ISLR2: variants seen among roughly 807,000 people sequenced by gnomAD.
ISLR2 encodes the protein immunoglobulin superfamily containing leucine-rich repeat protein 2.
A neutral mutation model predicts 25.5 loss-of-function variants in ISLR2; 16 were observed. That is an observed-to-expected ratio of 0.63 (90% CI 0.43 to 0.95). The LOEUF (loss-of-function observed/expected upper bound fraction) is 0.95, where lower values mean the gene tolerates loss of function less well. Ranked by LOEUF, ISLR2 falls within the 40% of genes least tolerant of loss-of-function variation. The pLI is 0.00. For missense variants in ISLR2, 883 were observed against 1,030.7 expected, an observed-to-expected ratio of 0.86 and a Z score of 1.96; for synonymous variants, 508 against 486.6, an observed-to-expected ratio of 1.04 and a Z score of -0.58.
chr15:74,124,435 C>A (rs2141939600), upstream of ISLR2, among the ~76,000 whole-genome samples: 1 of 152,130 alleles, frequency 6.6e-6, no homozygotes, highest in South Asian at 2.1e-4. Context: ...AAAAGAGAAG[C>A]CTGTCTTTCT....
At chr15:74,124,810 G>A (rs534724491), upstream of ISLR2, among the ~76,000 whole-genome samples, 14 of 152,238 alleles carry the variant, frequency 9.2e-5, no homozygotes, top group South Asian at 2.3e-3. Context: ...TGGTGGCTCC[G>A]GAAGCCCTCC....
chr15:74,113,863 T>C (rs2072189999), intron 2 of ISLR2, among the ~76,000 whole-genome samples: 1 of 152,224 alleles, frequency 6.6e-6, no homozygotes. Flanking sequence ...GCTGTTTAGC[T>C]CTCAGCTCCC....
intron 2 of ISLR2, among the ~76,000 whole-genome samples, chr15:74,109,949 C>T (rs1463268350): frequency 6.6e-6 from 1 of 152,156 alleles, no homozygotes; most frequent in Non-Finnish European, 1.5e-5. Flanking sequence ...CGCATGCCAC[C>T]ACGCCCGGAT....
rs74023411 is a variant in ISLR2, at chr15:74,119,719, C to A, written n.229-11488C>A. On this transcript the variant is annotated intron_variant and non_coding_transcript_variant, in intron 2 of 3. Transcript: ENST00000561975. ...TATCACATTGAACACTGGAAATATA[C>A]ACAATTTTTATTTGTCAATTATACT... Among the ~76,000 whole-genome samples, 926 of 152,192 alleles carry A rather than the reference C, an allele frequency of 6.1e-3. 9 individuals are homozygous for A. The highest frequency in any genetic ancestry group is 0.021 in the African/African-American group (892 of 41,510).
chr15:74,134,446 C>G lies in ISLR2; in HGVS notation c.1692C>G (p.Tyr564Ter). 1 of 1,612,970 alleles carries G rather than the reference C, an allele frequency of 6.2e-7. No homozygotes were observed. Among genetic ancestry groups the G allele is most frequent in the Non-Finnish European group, 8.5e-7 (1 of 1,179,896 alleles). The change falls in exon 3 of 3, where the codon TAC becomes TAG. Residue 564 changes from tyrosine to a stop codon, truncating the protein, a stop_gained. Transcript: ENST00000453268. LOFTEE classifies it high-confidence loss of function. Reference protein sequence around the residue: ...WFRGLRPGTNYSVCLALAGEA... With the variant: ...WFRGLRPGTN Reference sequence around the variant, plus strand: ...GCGGCCTGCGGCCGGGTACCAACTACTCCGTGTGCCTGGCGCTGGCGGGCG... The same window carrying G: ...GCGGCCTGCGGCCGGGTACCAACTAGTCCGTGTGCCTGGCGCTGGCGGGCG...
At position 74,133,780 on chromosome 15, in the gene ISLR2, G is replaced by T; in HGVS notation, c.1026G>T (p.Val342=). The T allele has an allele frequency of 1.2e-6, 2 of 1,613,936 alleles. No homozygotes were observed. The highest frequency in any genetic ancestry group is 1.1e-5 in the South Asian group (1 of 91,046). The change falls in exon 3 of 3, where the codon GTG becomes GTT. Residue 342 remains valine (V), a synonymous_variant. Coordinates refer to ENST00000453268, the MANE Select transcript of ISLR2 (RefSeq NM_020851.3). ...CCCTCGCAAATGGCTCCCTGTTGGT[G>T]CCCCTCCTGAGTGCCAAGGAGGCGG... The part of the protein sequence containing the change: ...FLALANGSLL[V]PLLSAKEAGV...
intron 2 of ISLR2, among the ~76,000 whole-genome samples, chr15:74,117,851 T>C (rs542148486): frequency 6.6e-6 from 1 of 152,278 alleles, no homozygotes; most frequent in Non-Finnish European, 1.5e-5. Flanking sequence ...TTGTGGATGA[T>C]GGTGAAGGGC....
Position 74,134,528 on chromosome 15 carries a change from G to A in ISLR2, c.1774G>A (p.Val592Ile), listed in dbSNP as rs1481680129. ...STKKELPSLL[V>I]IVAVSVFLLV... is the part of the protein sequence containing the mutation. ...CAAGAAGGAGCTCCCATCGCTGCTG[G>A]TCATAGTGGCAGTGAGCGTATTCCT... The change falls in exon 3 of 3, where the codon GTC becomes ATC. Residue 592 changes from valine (V) to isoleucine (I), a missense_variant. By Grantham distance (29) the Val-to-Ile change is conservative. Transcript: ENST00000453268. 1 of 1,613,964 alleles carries A rather than the reference G, an allele frequency of 6.2e-7. No individual in the cohort carries two copies. Among genetic ancestry groups the A allele is most frequent in the African/African-American group, 1.3e-5 (1 of 74,950 alleles).
chr15:74,139,937 G>A (rs544565429), downstream of ISLR2, among the ~76,000 whole-genome samples: 6 of 144,148 alleles, frequency 4.2e-5, no homozygotes, highest in African/African-American at 7.6e-5. Flanking sequence ...GAAAATGGTC[G>A]GAGAATGCAA....
intron 1 of ISLR2, among the ~76,000 whole-genome samples, chr15:74,101,076 G>A (rs1018969099): frequency 6.1e-5 from 3 of 49,132 alleles, no homozygotes; most frequent in Non-Finnish European, 8.5e-5. Context: ...TACAGTCGTC[G>A]CTTAGTAACC....
rs528762169 is a variant in ISLR2, at chr15:74,132,484, A to G, written c.-8-263A>G. Among the ~76,000 whole-genome samples the G allele has an allele frequency of 6.6e-6, 1 of 152,346 alleles. No homozygotes were observed. The highest frequency in any genetic ancestry group is 1.9e-4 in the East Asian group (1 of 5,172). On this transcript the variant is annotated intron_variant, in intron 2 of 2. Transcript: ENST00000453268. This position sits in a 1 kb window ranked among gnomAD's most constrained non-coding sequence, Gnocchi z 4.3. ...CGGAGCCCACGGAGGGGCCAGCTCCAGCGTGAAGGAAGGAGTAGGAAGAGA... is the reference window on the plus strand; with the variant it reads ...CGGAGCCCACGGAGGGGCCAGCTCCGGCGTGAAGGAAGGAGTAGGAAGAGA...
chr15:74,131,561 T>G (rs1443661015), intron 2 of ISLR2, among the ~76,000 whole-genome samples: 1 of 152,118 alleles, frequency 6.6e-6, no homozygotes, highest in Non-Finnish European at 1.5e-5. Context: ...CAAGTTCGTT[T>G]GTGTGACCGG....
intron 2 of ISLR2, among the ~76,000 whole-genome samples, chr15:74,131,524 G>A (rs889102822): frequency 9.8e-5 from 15 of 152,308 alleles, no homozygotes; most frequent in African/African-American, 2.6e-4. Flanking sequence ...CCTGACAGGC[G>A]CTCCAAATGG....
chr15:74,133,365 C>G lies in ISLR2; in HGVS notation c.611C>G (p.Pro204Arg), dbSNP rs945698157. Residue 204 changes from proline (P) to arginine (R), a missense_variant, in exon 3 of 3, where the codon CCC becomes CGC. Physicochemically the swap from Pro to Arg is moderately radical, Grantham distance 103. Coordinates refer to ENST00000453268, the MANE Select transcript of ISLR2 (RefSeq NM_020851.3). ...AWAASTRVSL[P>R]EPDSIACASP... ...GCCGCGAGCACCCGGGTGTCCTTAC[C>G]CGAGCCCGACTCCATTGCTTGTGCC... The G allele has an allele frequency of 6.2e-7, 1 of 1,607,964 alleles. No homozygotes were observed. The highest frequency in any genetic ancestry group is 8.5e-7 in the Non-Finnish European group (1 of 1,179,824).
chr15:74,105,527 G>A (rs547765155), intron 2 of ISLR2, among the ~76,000 whole-genome samples: 1 of 111,798 alleles, frequency 8.9e-6, no homozygotes, highest in South Asian at 3.8e-4. Context: ...AAGGGCGAAT[G>A]CAGTCAGCAC....
upstream of ISLR2, chr15:74,127,172 A>C (rs1410004991): frequency 6.6e-6 from 1 of 152,180 alleles, no homozygotes; most frequent in African/African-American, 2.4e-5. Flanking sequence ...TACAAGGGCA[A>C]GTACAACTCT....
chr15:74,108,487 A>G (rs2072140152), intron 2 of ISLR2, among the ~76,000 whole-genome samples: 1 of 151,932 alleles, frequency 6.6e-6, no homozygotes, highest in South Asian at 2.1e-4. Flanking sequence ...AGACCCCCCA[A>G]AGCCCCATGT....
At position 74,133,692 on chromosome 15, in the gene ISLR2, A is replaced by G. The variant is rs2072486155; in HGVS notation, c.938A>G (p.Gln313Arg). 6.2e-7 allele frequency: 1 copy of G among 1,607,988 alleles called. No individual in the cohort carries two copies. Among genetic ancestry groups the G allele is most frequent in the Non-Finnish European group, 8.5e-7 (1 of 1,177,204 alleles). ...EGDGDLLTQT[Q>R]AQTPTPAPAW... Reference sequence around the variant, plus strand: ...GATGGGGATTTGCTGACGCAGACCCAAGCCCAAACGCCGACTCCAGCACCC... The same window carrying G: ...GATGGGGATTTGCTGACGCAGACCCGAGCCCAAACGCCGACTCCAGCACCC... Residue 313 changes from glutamine (Q) to arginine (R), a missense_variant, in exon 3 of 3, where the codon CAA (glutamine) becomes CGA (arginine). Physicochemically the swap from Gln to Arg is conservative, Grantham distance 43 (BLOSUM62 1). Transcript: ENST00000453268.
At chr15:74,128,820 G>A, upstream of ISLR2, 1 of 404,248 alleles carries the variant, frequency 2.5e-6, no homozygotes, top group Non-Finnish European at 4.9e-6. Flanking sequence ...CGCCCCCTCA[G>A]GGTTCCCAAC....
Sources: allele counts gnomAD v4.1 joint callset (sites outside exome capture counted in the v4.1 genomes callset), GRCh38; gene constraint gnomAD v4.1.1; non-coding constraint Gnocchi (gnomAD v3.1); transcripts MANE v1.5; gene names NCBI Gene and HGNC (gene_info 2026-07-23, HGNC 2026-07-21).